The following ST3GAL3 variants were observed in gnomAD, a reference collection of about 807,000 sequenced individuals.
ST3GAL3 encodes CMP-N-acetylneuraminate-beta-1,4-galactoside alpha-2,3-sialyltransferase.
A neutral mutation model predicts 50.1 loss-of-function variants in ST3GAL3; 21 were observed. That is an observed-to-expected ratio of 0.42 (90% CI 0.30 to 0.60). The LOEUF (loss-of-function observed/expected upper bound fraction) is 0.60, where lower values mean the gene tolerates loss of function less well. ST3GAL3 is among the 20% of genes least tolerant of loss of function. ST3GAL3 has a pLI of 0.19. For synonymous variants in ST3GAL3, 183 were observed against 190.0 expected, an observed-to-expected ratio of 0.96 and a Z score of 0.30; for missense variants, 353 against 489.4, an observed-to-expected ratio of 0.72 and a Z score of 2.63.
chr1:43,853,562 A>G (rs139702450), intron 5 of ST3GAL3, among the ~76,000 whole-genome samples: 1 of 152,328 alleles, frequency 6.6e-6, no homozygotes, highest in South Asian at 2.1e-4. Context: ...TTTCATGGGC[A>G]GGCTGGCTAG....
chr1:43,735,439 AG>A (rs1310320792), intron 1 of ST3GAL3, among the ~76,000 whole-genome samples: 1 of 152,208 alleles, frequency 6.6e-6, no homozygotes, highest in Non-Finnish European at 1.5e-5. Flanking sequence ...AGAGTGAGAG[AG>A]CCTGAAGGGG....
At chr1:43,894,521 A>G (rs762175484) in intron 6 of ST3GAL3, 44 bp downstream of exon 6, 4 of 1,557,456 alleles carry the variant, frequency 2.6e-6, no homozygotes, top group Non-Finnish European at 2.7e-6. Context: ...CATCCCCCCG[A>G]CTGTCTCCCT....
At chr1:43,905,932 C>A (rs1453016271) in intron 9 of ST3GAL3, among the ~76,000 whole-genome samples, 1 of 102,764 alleles carries the variant, frequency 9.7e-6, no homozygotes, top group African/African-American at 3.9e-5. Context: ...CCACTCTTCC[C>A]CCTCCTCCTC....
intron 1 of ST3GAL3, among the ~76,000 whole-genome samples, chr1:43,725,495 GC>G (rs1442712514): frequency 6.6e-6 from 1 of 151,964 alleles, no homozygotes; most frequent in East Asian, 1.9e-4. Context: ...GCTGCGCCTG[GC>G]CTGCATGCTT....
At chr1:43,817,557 C>CCTT (rs1266118193) in intron 4 of ST3GAL3, among the ~76,000 whole-genome samples, 4 of 64,984 alleles carry the variant, frequency 6.2e-5, no homozygotes, top group East Asian at 1.3e-3. Context: ...TTCTTCTTCT[C>CCTT]CTTCTTCCTT....
intron 5 of ST3GAL3, among the ~76,000 whole-genome samples, chr1:43,864,959 T>C (rs1325177853): frequency 2.6e-5 from 4 of 151,870 alleles, no homozygotes; most frequent in African/African-American, 4.8e-5. Flanking sequence ...AGCACCCAGG[T>C]CCTTTAAGGG....
chr1:43,821,824 A>C (rs2062135903), intron 4 of ST3GAL3, among the ~76,000 whole-genome samples: 1 of 152,198 alleles, frequency 6.6e-6, no homozygotes, highest in African/African-American at 2.4e-5. Flanking sequence ...GAAAAGTCTC[A>C]GGGGTAAAGG....
intron 2 of ST3GAL3, among the ~76,000 whole-genome samples, chr1:43,740,166 A>T (rs976307104): frequency 3.3e-5 from 5 of 151,952 alleles, no homozygotes; most frequent in African/African-American, 1.2e-4. Flanking sequence ...GATCGAGACC[A>T]TCCTGGCTAA....
chr1:43,826,678 C>T (rs2062846563), intron 4 of ST3GAL3, among the ~76,000 whole-genome samples: 1 of 152,182 alleles, frequency 6.6e-6, no homozygotes, highest in South Asian at 2.1e-4. Flanking sequence ...CATGAACATG[C>T]TCCAGAAATC....
At chr1:43,887,141 G>A (rs1197672202) in intron 5 of ST3GAL3, among the ~76,000 whole-genome samples, 1 of 152,190 alleles carries the variant, frequency 6.6e-6, no homozygotes, top group Non-Finnish European at 1.5e-5. Flanking sequence ...GGAGAGTAGA[G>A]AATGTTTGGA....
chr1:43,836,964 C>G (rs576650803), intron 4 of ST3GAL3, among the ~76,000 whole-genome samples: 2 of 26,306 alleles, frequency 7.6e-5, no homozygotes, highest in Non-Finnish European at 1.5e-4. Flanking sequence ...CAGTCTCAGC[C>G]TTGTGGGTTC....
At chr1:43,920,605 T>C in intron 10 of ST3GAL3, 55 bp downstream of exon 10, 2 of 1,602,254 alleles carry the variant, frequency 1.2e-6, no homozygotes, top group Non-Finnish European at 1.7e-6. Flanking sequence ...AGAAGTGCCT[T>C]GGAAGGAAGG....
intron 9 of ST3GAL3, among the ~76,000 whole-genome samples, chr1:43,917,623 T>TATATATA (rs1427734880): frequency 1.3e-5 from 1 of 77,506 alleles, no homozygotes; most frequent in African/African-American, 5.8e-5. Context: ...TATATTATAT[T>TATATATA]ATATATAATA....
At chr1:43,718,679 CTTTT>C (rs56873855) in intron 1 of ST3GAL3, among the ~76,000 whole-genome samples, 1 of 29,108 alleles carries the variant, frequency 3.4e-5, no homozygotes, top group Admixed American at 6.9e-4. Flanking sequence ...TCTGCTACAT[CTTTT>C]TTTTTTTTTT....
intron 5 of ST3GAL3, among the ~76,000 whole-genome samples, chr1:43,885,042 C>T (rs1408131495): frequency 6.6e-6 from 1 of 152,206 alleles, no homozygotes; most frequent in Non-Finnish European, 1.5e-5. Context: ...GGTTGATGAG[C>T]CAGTGTTGAG....
chr1:43,911,761 C>G (rs1322908444), intron 9 of ST3GAL3: 1 of 150,782 alleles, frequency 6.6e-6, no homozygotes, highest in African/African-American at 2.4e-5. Context: ...GATCTTGGCT[C>G]ACTGCAGCCT....
intron 6 of ST3GAL3, among the ~76,000 whole-genome samples, chr1:43,897,460 C>T (rs757010257): frequency 2.6e-5 from 4 of 152,186 alleles, no homozygotes; most frequent in Non-Finnish European, 5.9e-5. Flanking sequence ...ACTCCAAAGC[C>T]AATACCCTTG....
chr1:43,764,160 G>A (rs1050470744), intron 2 of ST3GAL3, among the ~76,000 whole-genome samples: 1 of 152,138 alleles, frequency 6.6e-6, no homozygotes, highest in African/African-American at 2.4e-5. Context: ...GCTCTGTTAT[G>A]TATTTAATAA....
Position 43,920,845 on chromosome 1 carries a change from G to A in ST3GAL3, c.955G>A (p.Val319Ile). The change falls in exon 11 of 12, where the codon GTC (valine) becomes ATC (isoleucine). Residue 319 changes from valine to isoleucine, a missense_variant. Coordinates refer to ENST00000347631, the MANE Select transcript of ST3GAL3 (RefSeq NM_006279.5). ...ACTACACGGCTGTGACGAGGTGGCA[G>A]TCGCAGGATTTGGCTATGACATGAG... Reference protein sequence around the residue: ...MALHGCDEVAVAGFGYDMSTP... With the variant: ...MALHGCDEVAIAGFGYDMSTP... 6.2e-7 allele frequency: 1 copy of A among 1,614,064 alleles called. No individual in the cohort carries two copies. The highest frequency in any genetic ancestry group is 8.5e-7 in the Non-Finnish European group (1 of 1,179,976).
Sources: allele counts gnomAD v4.1 joint callset (sites outside exome capture counted in the v4.1 genomes callset), GRCh38; gene constraint gnomAD v4.1.1; transcripts MANE v1.5; gene names NCBI Gene and HGNC (gene_info 2026-07-23, HGNC 2026-07-21).